CREB5: variants seen among roughly 807,000 people sequenced by gnomAD.
CREB5 encodes the protein cyclic AMP-responsive element-binding protein 5.
Under a neutral mutation model 57.1 loss-of-function variants are expected in CREB5, and 19 were observed. That is an observed-to-expected ratio of 0.33 (90% CI 0.23 to 0.49). CREB5 has a LOEUF of 0.49. CREB5 is among the 20% of genes least tolerant of loss of function. CREB5 has a pLI of 0.99. For missense variants in CREB5, 579 were observed against 671.6 expected (o/e 0.86, Z 1.52); for synonymous variants, 238 against 238.3 (o/e 1.00, Z 0.01).
At chr7:28,670,109 C>T (rs1293166260) in intron 5 of CREB5, among the ~76,000 whole-genome samples, 1 of 152,128 alleles carries the variant, frequency 6.6e-6, no homozygotes, top group Non-Finnish European at 1.5e-5. Context: ...TTTTCAAGAC[C>T]CCCAGTGGAT....
At chr7:28,339,824 C>A (rs912300325) in intron 1 of CREB5, among the ~76,000 whole-genome samples, 3 of 152,172 alleles carry the variant, frequency 2.0e-5, no homozygotes, top group African/African-American at 7.2e-5. Context: ...TATTCTACTG[C>A]AGCTGAGTGG....
At chr7:28,633,375 G>A (rs1798280007) in intron 5 of CREB5, among the ~76,000 whole-genome samples, 3 of 151,252 alleles carry the variant, frequency 2.0e-5, no homozygotes, top group South Asian at 2.1e-4. Flanking sequence ...ATTCATGTGT[G>A]TGTGTGTGTG....
chr7:28,310,478 C>G (rs549140560), intron 1 of CREB5, among the ~76,000 whole-genome samples: 3 of 152,298 alleles, frequency 2.0e-5, no homozygotes, highest in African/African-American at 7.2e-5. Flanking sequence ...TCTGAAATCC[C>G]TCATCTGGAA....
rs188092197 is a variant in CREB5, at chr7:28,730,866, T to C, written c.702+6534T>C. 2.6e-5 allele frequency among the ~76,000 whole-genome samples: 4 copies of C among 152,338 alleles called. No individual in the cohort carries two copies. The East Asian group carries it at 7.7e-4, about 29-fold the overall frequency. ...TTTGATTTTTGTCCTGTTTCTATTATATCATGCTATCCCTGGCGTTCCCAT... is the reference window on the plus strand; with the variant it reads ...TTTGATTTTTGTCCTGTTTCTATTACATCATGCTATCCCTGGCGTTCCCAT... On this transcript the variant is annotated intron_variant, in intron 7 of 10. Coordinates refer to ENST00000357727, the MANE Select transcript of CREB5 (RefSeq NM_182898.4).
intron 1 of CREB5, among the ~76,000 whole-genome samples, chr7:28,447,206 C>T (rs1364439136): frequency 2.6e-5 from 4 of 152,200 alleles, no homozygotes; most frequent in Admixed American, 1.3e-4. Context: ...CAGTGCCTGG[C>T]GCACATCTGT....
At chr7:28,788,634 AAAC>A (rs1807473327) in intron 7 of CREB5, among the ~76,000 whole-genome samples, 1 of 152,202 alleles carries the variant, frequency 6.6e-6, no homozygotes, top group Non-Finnish European at 1.5e-5. Context: ...TTGAAAGAAT[AAAC>A]AACTTGCTCC....
rs199978280 is a variant in CREB5 at position 28,724,315 on chromosome 7, C to A, written c.685C>A (p.His229Asn). 369 of 1,613,388 alleles carry A rather than the reference C, an allele frequency of 2.3e-4. No homozygotes were observed. Among genetic ancestry groups the A allele is most frequent in the Non-Finnish European group, 2.1e-4 (246 of 1,179,586 alleles). Residue 229 changes from histidine to asparagine, a missense_variant, in exon 7 of 11, where the codon CAT (histidine) becomes AAT (asparagine). Transcript: ENST00000357727. Reference protein sequence around the residue: ...PCASPQVQPMHSEAKMRLKAA... With the variant: ...PCASPQVQPMNSEAKMRLKAA... ...TGCTTCTCCCCAGGTCCAGCCAATG[C>A]ATTCAGAAGCCAAAATGGTAAGTAA...
rs116823690 is a variant in CREB5 at position 28,738,293 on chromosome 7, T to A, written c.702+13961T>A. On this transcript the variant is annotated intron_variant, in intron 7 of 10. Transcript: ENST00000357727. ...TTTCCTAAACACCTAGGATCATTTT[T>A]GGTTTGCATAAGAGTTTCCCTTATG... Among the ~76,000 whole-genome samples, 789 of 152,294 alleles carry A rather than the reference T, an allele frequency of 5.2e-3. 7 individuals carry two copies. Among genetic ancestry groups the A allele is most frequent in the African/African-American group, 0.018 (758 of 41,570 alleles).
intron 4 of CREB5, among the ~76,000 whole-genome samples, chr7:28,561,459 T>G (rs1795268455): frequency 6.6e-6 from 1 of 152,222 alleles, no homozygotes; most frequent in Non-Finnish European, 1.5e-5. Flanking sequence ...TAATGGCTGC[T>G]AACGTTTATT....
intron 1 of CREB5, among the ~76,000 whole-genome samples, chr7:28,374,286 C>G (rs1390540579): frequency 1.3e-5 from 2 of 152,124 alleles, no homozygotes; most frequent in Non-Finnish European, 2.9e-5. Context: ...TAAAATGGTG[C>G]AATGGAGAAG....
rs58573714 is a variant in CREB5, at chr7:28,426,594, C to T, written c.3+13677C>T. On this transcript the variant is annotated intron_variant, in intron 1 of 10. Coordinates refer to ENST00000357727, the MANE Select transcript of CREB5 (RefSeq NM_182898.4). ...ACACACGTGCACACATTCACCTAGA[C>T]ATGCTGCATTCACTTCCTGCCTGTG... 3.2e-3 allele frequency among the ~76,000 whole-genome samples: 490 copies of T among 152,358 alleles called. 3 individuals are homozygous for T. The highest frequency in any genetic ancestry group is 0.011 in the African/African-American group (475 of 41,590).
upstream of CREB5, among the ~76,000 whole-genome samples, chr7:28,407,929 G>A (rs1787620818): frequency 2.0e-5 from 3 of 152,202 alleles, no homozygotes; most frequent in South Asian, 6.2e-4. Flanking sequence ...CTATATAAAT[G>A]TCAGATGTTA....
intron 1 of CREB5, among the ~76,000 whole-genome samples, chr7:28,359,080 C>T (rs1375455127): frequency 6.6e-6 from 1 of 151,612 alleles, no homozygotes; most frequent in Non-Finnish European, 1.5e-5. Context: ...GAATTTATTC[C>T]CAATTTAAAT....
intron 1 of CREB5, among the ~76,000 whole-genome samples, chr7:28,340,594 G>A (rs930416310): frequency 1.4e-4 from 21 of 152,230 alleles, no homozygotes; most frequent in African/African-American, 5.1e-4. Flanking sequence ...CACTGCCTGG[G>A]GTTAGAAGAG....
chr7:28,486,670 T>TTATATATATATA (rs139222705), intron 1 of CREB5, among the ~76,000 whole-genome samples: 1,543 of 89,030 alleles, frequency 0.017, 131 homozygotes, highest in Non-Finnish European at 0.023. Flanking sequence ...TCCTATGATT[T>TTATATATATATA]TATATATATA....
intron 7 of CREB5, among the ~76,000 whole-genome samples, chr7:28,737,541 A>ATGTATATATATATATATATATATG (rs1490914870): frequency 1.5e-3 from 8 of 5,374 alleles, no homozygotes; most frequent in African/African-American, 4.3e-3. Flanking sequence ...ATATATACGT[A>ATGTATATATATATATATATATATG]TATATATATA....
At chr7:28,406,330 A>G (rs1367586187) in intron 1 of CREB5, among the ~76,000 whole-genome samples, 1 of 152,206 alleles carries the variant, frequency 6.6e-6, no homozygotes, top group Admixed American at 6.5e-5. Flanking sequence ...AGGATCCAGC[A>G]ACTAAAGGTC....
rs187687838 is a variant in CREB5, at chr7:28,462,838, T to C, written c.4-25337T>C. On this transcript the variant is annotated intron_variant, in intron 1 of 10. Transcript: ENST00000357727. Reference sequence around the variant, plus strand: ...ATACTAGACCCTACCAGATATATGATTTGCAAATATTTTATCTCATTCTGT... The same window carrying C: ...ATACTAGACCCTACCAGATATATGACTTGCAAATATTTTATCTCATTCTGT... Among the ~76,000 whole-genome samples the C allele has an allele frequency of 2.6e-3, 396 of 152,284 alleles. 1 individual carries two copies. Among genetic ancestry groups the C allele is most frequent in the South Asian group, 0.013 (65 of 4,822 alleles).
intron 9 of CREB5, among the ~76,000 whole-genome samples, chr7:28,812,249 C>A (rs1232358886): frequency 6.6e-6 from 1 of 152,200 alleles, no homozygotes; most frequent in Non-Finnish European, 1.5e-5. Context: ...TAAAATGAGT[C>A]TTTGCAGAAT....
Sources: gnomAD v4.1 joint callset for allele counts (sites outside exome capture counted in the v4.1 genomes callset) on GRCh38, gnomAD v4.1.1 for gene constraint, MANE v1.5 for transcripts, NCBI Gene and HGNC (gene_info 2026-07-23, HGNC 2026-07-21) for gene names.